Variants in IMMP2L observed in about 807,000 individuals in gnomAD.
IMMP2L encodes the protein mitochondrial inner membrane protease subunit 2.
Under a neutral mutation model 19.3 loss-of-function variants are expected in IMMP2L, and 18 were observed. That is an observed-to-expected ratio of 0.93 (90% CI 0.64 to 1.38). The LOEUF (loss-of-function observed/expected upper bound fraction) is 1.38, where lower values mean the gene tolerates loss of function less well. Among genes scored for constraint, IMMP2L ranks in the 40% most tolerant of loss-of-function variants. The pLI is 0.00. For missense variants in IMMP2L, 233 were observed against 218.2 expected, an observed-to-expected ratio of 1.07 and a Z score of -0.43; for synonymous variants, 76 against 73.0, an observed-to-expected ratio of 1.04 and a Z score of -0.21.
At chr7:111,214,073 G>A (rs1811625064) in intron 3 of IMMP2L, among the ~76,000 whole-genome samples, 1 of 151,868 alleles carries the variant, frequency 6.6e-6, no homozygotes, top group Non-Finnish European at 1.5e-5. Context: ...TAAATAGGCA[G>A]GTAATGATTT....
intron 3 of IMMP2L, among the ~76,000 whole-genome samples, chr7:111,018,825 T>A (rs1825976725): frequency 7.2e-6 from 1 of 139,366 alleles, no homozygotes; most frequent in African/African-American, 2.7e-5. Flanking sequence ...TTATTATTAT[T>A]ATTATTATTA....
chr7:111,435,187 T>G (rs1837028827), intron 3 of IMMP2L, among the ~76,000 whole-genome samples: 1 of 151,918 alleles, frequency 6.6e-6, no homozygotes, highest in Admixed American at 6.6e-5. Context: ...TCTGGGTATC[T>G]ATCCAAAGGG....
intron 3 of IMMP2L, among the ~76,000 whole-genome samples, chr7:111,224,468 T>C (rs1812863158): frequency 6.6e-6 from 1 of 152,112 alleles, no homozygotes; most frequent in Admixed American, 6.6e-5. Context: ...TCTAAGGAAG[T>C]TGAAGAAAGG....
chr7:111,525,000 A>G (rs987331936), intron 1 of IMMP2L, among the ~76,000 whole-genome samples: 4 of 152,196 alleles, frequency 2.6e-5, no homozygotes, highest in Non-Finnish European at 5.9e-5. Context: ...AGGGAATCAT[A>G]AAACAGTGAA....
intron 3 of IMMP2L, among the ~76,000 whole-genome samples, chr7:111,332,243 A>C (rs897071415): frequency 1.1e-4 from 16 of 151,900 alleles, no homozygotes; most frequent in South Asian, 2.1e-4. Context: ...AAAAACTTCA[A>C]AAATCGAATA....
intron 3 of IMMP2L, among the ~76,000 whole-genome samples, chr7:111,108,286 T>C (rs771584228): frequency 1.3e-5 from 2 of 152,224 alleles, no homozygotes; most frequent in Non-Finnish European, 2.9e-5. Flanking sequence ...TGTTTATTAT[T>C]GCTCTTTTTG....
intron 2 of IMMP2L, among the ~76,000 whole-genome samples, chr7:111,503,030 G>A (rs1027046464): frequency 1.5e-4 from 23 of 151,930 alleles, no homozygotes; most frequent in Non-Finnish European, 2.4e-4. Context: ...ATGAATCCAG[G>A]AGCTGGTTTT....
chr7:110,686,580 T>TG (rs1793131644), intron 5 of IMMP2L, among the ~76,000 whole-genome samples: 1 of 152,076 alleles, frequency 6.6e-6, no homozygotes, highest in Non-Finnish European at 1.5e-5. Context: ...TATCATGCCC[T>TG]GGTGTCTCGA....
intron 5 of IMMP2L, among the ~76,000 whole-genome samples, chr7:110,773,387 A>G (rs1351066870): frequency 6.6e-6 from 1 of 152,128 alleles, no homozygotes; most frequent in African/African-American, 2.4e-5. Context: ...GTAAAAATGA[A>G]TCATTAGATC....
At chr7:110,669,835 G>C (rs528033529) in intron 5 of IMMP2L, among the ~76,000 whole-genome samples, 6 of 152,182 alleles carry the variant, frequency 3.9e-5, no homozygotes, top group Non-Finnish European at 8.8e-5. Flanking sequence ...GCAGTCCAAG[G>C]GGGTGCTATT....
chr7:111,420,620 T>C (rs985068728), intron 3 of IMMP2L, among the ~76,000 whole-genome samples: 4 of 131,780 alleles, frequency 3.0e-5, no homozygotes, highest in African/African-American at 8.6e-5. Flanking sequence ...GGCGATCTCA[T>C]TGTTCAATTC....
chr7:110,785,817 C>A (rs1393192187), intron 5 of IMMP2L, among the ~76,000 whole-genome samples: 2 of 151,878 alleles, frequency 1.3e-5, no homozygotes, highest in African/African-American at 4.8e-5. Context: ...AATAAAATTT[C>A]AAGAAACTAT....
chr7:110,977,097 A>T, intron 3 of IMMP2L, among the ~76,000 whole-genome samples: 1 of 151,982 alleles, frequency 6.6e-6, no homozygotes, highest in East Asian at 1.9e-4. Flanking sequence ...TTTAACAGAA[A>T]GGCTGTGGTG....
chr7:111,206,947 A>G (rs1810776816), intron 3 of IMMP2L, among the ~76,000 whole-genome samples: 1 of 152,196 alleles, frequency 6.6e-6, no homozygotes, highest in Admixed American at 6.5e-5. Context: ...GATAAAAAAA[A>G]GACCAGAAAT....
chr7:111,034,842 C>T (rs966811812), intron 3 of IMMP2L, among the ~76,000 whole-genome samples: 2 of 152,048 alleles, frequency 1.3e-5, no homozygotes, highest in African/African-American at 2.4e-5. Context: ...CATAACAGCA[C>T]CAGAAACTCG....
intron 3 of IMMP2L, among the ~76,000 whole-genome samples, chr7:111,168,289 T>C (rs1806053902): frequency 6.6e-6 from 1 of 151,932 alleles, no homozygotes. Context: ...CTGTTTTTTT[T>C]TTCTACAGAC....
At chr7:111,467,117 G>T (rs1457097364) in intron 3 of IMMP2L, among the ~76,000 whole-genome samples, 1 of 152,088 alleles carries the variant, frequency 6.6e-6, no homozygotes, top group African/African-American at 2.4e-5. Context: ...AGACCCAAGT[G>T]GTCAAAAGCA....
At chr7:110,875,208 T>A (rs1315660291) in intron 5 of IMMP2L, among the ~76,000 whole-genome samples, 1 of 152,170 alleles carries the variant, frequency 6.6e-6, no homozygotes, top group Non-Finnish European at 1.5e-5. Context: ...ACGTTTAAAA[T>A]AGCCTTCCTC....
intron 4 of IMMP2L, among the ~76,000 whole-genome samples, chr7:110,936,404 C>T (rs1202080009): frequency 6.6e-6 from 1 of 152,162 alleles, no homozygotes; most frequent in African/African-American, 2.4e-5. Flanking sequence ...TGAATAGACA[C>T]TTGCCAAAAG....
Sources: allele counts gnomAD v4.1 joint callset (sites outside exome capture counted in the v4.1 genomes callset), GRCh38; gene constraint gnomAD v4.1.1; transcripts MANE v1.5; gene names NCBI Gene and HGNC (gene_info 2026-07-23, HGNC 2026-07-21).